RBFOX1: variants seen among roughly 807,000 people sequenced by gnomAD.
RBFOX1 encodes RNA binding fox-1 homolog 1.
Under a neutral mutation model 57.7 loss-of-function variants are expected in RBFOX1, and 8 were observed. The ratio of observed to expected loss-of-function variants is 0.14; its 90% CI spans 0.08 to 0.25. The LOEUF is 0.25. Among genes scored for constraint, RBFOX1 ranks in the 10% least tolerant of loss-of-function variants. RBFOX1 has a pLI of 1.00. For missense variants in RBFOX1, 611 were observed against 548.5 expected (o/e 1.11, Z -1.14); for synonymous variants, 326 against 222.4 (o/e 1.47, Z -4.15).
At chr16:6,171,284 A>G (rs75424387) in intron 1 of RBFOX1, among the ~76,000 whole-genome samples, 334 of 152,288 alleles carry the variant, frequency 2.2e-3, no homozygotes, top group African/African-American at 7.5e-3. Context: ...TATAACACCA[A>G]TTTCAAGGTT....
intron 1 of RBFOX1, among the ~76,000 whole-genome samples, chr16:6,307,379 TTAAAAA>T (rs2079640922): frequency 6.8e-6 from 1 of 146,796 alleles, no homozygotes; most frequent in Non-Finnish European, 1.5e-5. Flanking sequence ...GAGACTCATC[TTAAAAA>T]TAAAAAAAAC....
At chr16:5,364,697 C>T (rs1474303738) in intron 1 of RBFOX1, among the ~76,000 whole-genome samples, 1 of 152,206 alleles carries the variant, frequency 6.6e-6, no homozygotes, top group Non-Finnish European at 1.5e-5. Flanking sequence ...GTACCTGCTT[C>T]TCTTTAGGAA....
intron 3 of RBFOX1, among the ~76,000 whole-genome samples, chr16:5,657,666 C>CT (rs376204626): frequency 0.33 from 32,089 of 96,030 alleles, 4,702 homozygotes; most frequent in Non-Finnish European, 0.4. Flanking sequence ...TCTTTTCTTT[C>CT]TTTCTTTTCT....
At chr16:5,500,338 T>C (rs1180995934) in intron 2 of RBFOX1, among the ~76,000 whole-genome samples, 1 of 151,978 alleles carries the variant, frequency 6.6e-6, no homozygotes, top group Non-Finnish European at 1.5e-5. Context: ...TCCTCCCACC[T>C]CAGCCACACA....
rs568727801 is a variant in RBFOX1, at chr16:6,623,846, G to A, written c.-63-30757G>A. Among the ~76,000 whole-genome samples the A allele has an allele frequency of 2.0e-5, 3 of 152,248 alleles. No individual in the cohort carries two copies. The South Asian group carries it at 6.2e-4, about 32-fold the overall frequency. On this transcript the variant is annotated intron_variant, in intron 2 of 15. Transcript: ENST00000550418. ...CATTTTCTTAATCCAGTCTATCATT[G>A]TTGGACATTTGGGTTGGTTCCAAGT...
intron 3 of RBFOX1, among the ~76,000 whole-genome samples, chr16:5,649,192 T>C (rs1175417687): frequency 6.6e-6 from 1 of 152,120 alleles, no homozygotes; most frequent in Non-Finnish European, 1.5e-5. Context: ...CTTTGTGTTT[T>C]GAGATGGAGT....
intron 1 of RBFOX1, among the ~76,000 whole-genome samples, chr16:6,167,467 AT>A: frequency 1.3e-5 from 2 of 151,380 alleles, no homozygotes; most frequent in Middle Eastern, 3.4e-3. Flanking sequence ...GCCTTCTAAC[AT>A]TTTTTCCACT....
At chr16:5,850,498 G>C (rs1165318222) in intron 3 of RBFOX1, among the ~76,000 whole-genome samples, 2 of 152,200 alleles carry the variant, frequency 1.3e-5, no homozygotes, top group Non-Finnish European at 2.9e-5. Flanking sequence ...AGCACTAGTA[G>C]TCACCATCAT....
chr16:6,319,218 A>G (rs903864355), intron 2 of RBFOX1, among the ~76,000 whole-genome samples: 1 of 152,178 alleles, frequency 6.6e-6, no homozygotes, highest in African/African-American at 2.4e-5. Context: ...GAAGAATGCC[A>G]TATTTTAGTC....
intron 13 of RBFOX1, among the ~76,000 whole-genome samples, chr16:7,665,452 T>TAAAC (rs2068962765): frequency 6.6e-6 from 1 of 152,296 alleles, no homozygotes; most frequent in East Asian, 1.9e-4. Context: ...AGTTTAGCCC[T>TAAAC]AAACATCTCC....
chr16:6,693,021 C>G (rs982460319), intron 3 of RBFOX1, among the ~76,000 whole-genome samples: 2 of 151,846 alleles, frequency 1.3e-5, no homozygotes, highest in Admixed American at 1.3e-4. Flanking sequence ...CCATCATCAT[C>G]AACATCATCC....
At chr16:6,481,155 C>G (rs1304803317) in intron 2 of RBFOX1, among the ~76,000 whole-genome samples, 2 of 152,178 alleles carry the variant, frequency 1.3e-5, no homozygotes, top group African/African-American at 2.4e-5. Context: ...ATGGGAGACT[C>G]TACTGCCATT....
At chr16:5,807,239 C>G (rs1478120098) in intron 3 of RBFOX1, among the ~76,000 whole-genome samples, 1 of 152,162 alleles carries the variant, frequency 6.6e-6, no homozygotes, top group Non-Finnish European at 1.5e-5. Flanking sequence ...GTGGCCATCC[C>G]TCCTCTCCCT....
intron 1 of RBFOX1, among the ~76,000 whole-genome samples, chr16:5,412,362 A>G (rs576658881): frequency 1.3e-5 from 2 of 152,368 alleles, no homozygotes; most frequent in South Asian, 2.1e-4. Flanking sequence ...CTCAACAAAT[A>G]TTAGTTATTG....
At chr16:7,330,842 G>A (rs948890640) in intron 4 of RBFOX1, among the ~76,000 whole-genome samples, 5 of 152,128 alleles carry the variant, frequency 3.3e-5, no homozygotes, top group African/African-American at 4.8e-5. Context: ...ATTGCTAAAG[G>A]AAAGCAGACG....
At chr16:7,384,322 T>C (rs1043413384) in intron 4 of RBFOX1, among the ~76,000 whole-genome samples, 5 of 152,186 alleles carry the variant, frequency 3.3e-5, no homozygotes, top group African/African-American at 1.2e-4. Flanking sequence ...TTAGTGTTGC[T>C]GCTGAAAATT....
At chr16:6,127,135 C>A (rs963626336) in intron 1 of RBFOX1, among the ~76,000 whole-genome samples, 1 of 152,024 alleles carries the variant, frequency 6.6e-6, no homozygotes, top group Admixed American at 6.6e-5. Context: ...CAAATGTGAC[C>A]TGTTGGAGAA....
intron 10 of RBFOX1, among the ~76,000 whole-genome samples, chr16:7,610,223 A>T (rs2057212073): frequency 7.1e-6 from 1 of 140,510 alleles, no homozygotes; most frequent in Admixed American, 7.5e-5. Flanking sequence ...GGGTTCATGC[A>T]ATTCTTCTGC....
At position 5,622,543 on chromosome 16, in the gene RBFOX1, T is replaced by C. The variant is rs913372600; in HGVS notation, c.318+23582T>C. On this transcript the variant is annotated intron_variant, in intron 3 of 19. Transcript: ENST00000641259. ...TTTTAGAAGTTGACTCTTGTCCTTT[T>C]CTCTAGTGGTACTTTTTAAAAAATC... 2.0e-5 allele frequency among the ~76,000 whole-genome samples: 3 copies of C among 152,348 alleles called. No individual in the cohort carries two copies. The South Asian group carries it at 6.2e-4, about 32-fold the overall frequency.
Sources: allele counts gnomAD v4.1 joint callset (sites outside exome capture counted in the v4.1 genomes callset), GRCh38; gene constraint gnomAD v4.1.1; transcripts MANE v1.5; gene names NCBI Gene and HGNC (gene_info 2026-07-23, HGNC 2026-07-21).